The following ANKS1B variants were observed in gnomAD, a reference collection of about 807,000 sequenced individuals.
ANKS1B encodes the protein ankyrin repeat and sterile alpha motif domain-containing protein 1B.
ANKS1B carries 36 observed loss-of-function variants against 148.3 expected under a neutral mutation model. The observed-to-expected ratio is 0.24, with a 90% confidence interval of 0.19 to 0.32. The LOEUF (loss-of-function observed/expected upper bound fraction) is 0.32. ANKS1B is among the 10% of genes least tolerant of loss of function. The pLI, the probability that ANKS1B is intolerant of heterozygous loss-of-function variation, is 1.00. For synonymous variants in ANKS1B, 542 were observed against 560.8 expected (o/e 0.97, Z 0.47); for missense variants, 1,157 against 1,542.6 (o/e 0.75, Z 4.19).
chr12:99,804,386 A>T (rs890538838), intron 4 of ANKS1B, among the ~76,000 whole-genome samples: 6 of 152,178 alleles, frequency 3.9e-5, no homozygotes, highest in African/African-American at 1.4e-4. Flanking sequence ...GTTAGAAAAA[A>T]TTCTTATGCT....
rs200202397 is a variant in ANKS1B, at chr12:99,244,386, A to G, written c.2375T>C (p.Val792Ala). 93 of 1,607,122 alleles carry G rather than the reference A, an allele frequency of 5.8e-5. No homozygotes were observed. The African/African-American group carries it at 1.2e-3, about 20-fold the overall frequency. ...CTCTTTAAGTTCGTTGTTGATTCCAACATCTATGGAACTCATTATTTTGTC... is the reference window on the plus strand; with the variant it reads ...CTCTTTAAGTTCGTTGTTGATTCCAGCATCTATGGAACTCATTATTTTGTC... ...EIDKIMSSID[V>A]GINNELKEMN... The change falls in exon 14 of 27, where the codon GTT becomes GCT. Residue 792 changes from valine (V) to alanine (A), a missense_variant. By Grantham distance (64) the Val-to-Ala change is moderately conservative. Coordinates refer to ENST00000683438, the MANE Select transcript of ANKS1B (RefSeq NM_001352186.2).
At chr12:99,651,334 A>C (rs927465167) in intron 9 of ANKS1B, among the ~76,000 whole-genome samples, 1 of 152,200 alleles carries the variant, frequency 6.6e-6, no homozygotes, top group Admixed American at 6.5e-5. Context: ...ATCACTTTTC[A>C]GCAAATAATT....
intron 17 of ANKS1B, among the ~76,000 whole-genome samples, chr12:98,916,331 C>A (rs2099794346): frequency 6.6e-6 from 1 of 152,196 alleles, no homozygotes; most frequent in South Asian, 2.1e-4. Flanking sequence ...ATTAAATCAG[C>A]TTACTGCTGA....
At chr12:99,090,667 CTG>C (rs1267761546) in intron 15 of ANKS1B, among the ~76,000 whole-genome samples, 2 of 152,060 alleles carry the variant, frequency 1.3e-5, no homozygotes, top group African/African-American at 2.4e-5. Flanking sequence ...TAGCATGAAA[CTG>C]TACATAATTT....
At chr12:99,582,045 G>T (rs1041679970) in intron 9 of ANKS1B, among the ~76,000 whole-genome samples, 1 of 151,764 alleles carries the variant, frequency 6.6e-6, no homozygotes, top group Non-Finnish European at 1.5e-5. Flanking sequence ...TTTAATCATT[G>T]AAAGATATAA....
chr12:99,805,286 A>AAAAAAAAC (rs2067489354), intron 4 of ANKS1B, among the ~76,000 whole-genome samples: 1 of 149,214 alleles, frequency 6.7e-6, no homozygotes, highest in East Asian at 2.0e-4. Flanking sequence ...AAAAAAAAAA[A>AAAAAAAAC]AAGACTAACC....
At chr12:99,563,672 A>G (rs982906049) in intron 9 of ANKS1B, among the ~76,000 whole-genome samples, 4 of 152,214 alleles carry the variant, frequency 2.6e-5, no homozygotes, top group African/African-American at 9.6e-5. Flanking sequence ...AATGGAACAC[A>G]GAGCAAATGC....
chr12:99,309,997 G>A (rs561892807), intron 12 of ANKS1B, among the ~76,000 whole-genome samples: 22 of 152,222 alleles, frequency 1.4e-4, no homozygotes, highest in Admixed American at 3.9e-4. Flanking sequence ...GATCCACATA[G>A]TGTTGCTAGG....
At chr12:99,356,102 A>G (rs1368794388) in intron 12 of ANKS1B, among the ~76,000 whole-genome samples, 1 of 152,138 alleles carries the variant, frequency 6.6e-6, no homozygotes, top group Non-Finnish European at 1.5e-5. Context: ...CTCTTAAAAT[A>G]TACAGGAATA....
Position 98,794,896 on chromosome 12 carries a change from G to C in ANKS1B, c.3342+4038C>G, listed in dbSNP as rs570859986. 9 of 1,572,916 alleles carry C rather than the reference G, an allele frequency of 5.7e-6. No homozygotes were observed. In the East Asian group the frequency reaches 2.0e-4, roughly 35 times the overall value. On this transcript the variant is annotated intron_variant, in intron 22 of 26. Coordinates refer to ENST00000683438, the MANE Select transcript of ANKS1B (RefSeq NM_001352186.2). ...CCATCTTATCCGAGCCCCTCTTGCAGGCAAAGGGAAGCAGTTGGAAGAGAA... is the reference window on the plus strand; with the variant it reads ...CCATCTTATCCGAGCCCCTCTTGCACGCAAAGGGAAGCAGTTGGAAGAGAA...
intron 12 of ANKS1B, among the ~76,000 whole-genome samples, chr12:99,258,616 T>TTG (rs1266775766): frequency 4.0e-5 from 6 of 150,958 alleles, no homozygotes; most frequent in African/African-American, 1.2e-4. Context: ...ACTTGTTTTT[T>TTG]TTTTTTTTTT....
chr12:98,784,102 G>A (rs1259731946), intron 22 of ANKS1B, among the ~76,000 whole-genome samples: 1 of 152,218 alleles, frequency 6.6e-6, no homozygotes, highest in African/African-American at 2.4e-5. Context: ...GAATACTGGA[G>A]GGGAAAGTGT....
rs765678043 is a variant in ANKS1B, at chr12:99,080,355, G to A, written c.2625+4570C>T. ...ACCTTAGCACTGGTTGTAGGAGGTCGCAGCAGAGAAACAACTCAAGCCCTT... is the reference window on the plus strand; with the variant it reads ...ACCTTAGCACTGGTTGTAGGAGGTCACAGCAGAGAAACAACTCAAGCCCTT... On this transcript the variant is annotated intron_variant, in intron 16 of 26. Coordinates refer to ENST00000683438, the MANE Select transcript of ANKS1B (RefSeq NM_001352186.2). Among the ~76,000 whole-genome samples the A allele has an allele frequency of 2.8e-4, 42 of 152,274 alleles. No homozygotes were observed. In the Middle Eastern group the frequency reaches 0.014, roughly 49 times the overall value.
intron 1 of ANKS1B, among the ~76,000 whole-genome samples, chr12:99,854,581 G>A (rs548147827): frequency 4.6e-5 from 7 of 152,202 alleles, no homozygotes; most frequent in South Asian, 2.1e-4. Context: ...AGATCATCAC[G>A]TAGGTACACA....
At chr12:99,147,461 A>C (rs1435668653) in intron 15 of ANKS1B, among the ~76,000 whole-genome samples, 1 of 152,142 alleles carries the variant, frequency 6.6e-6, no homozygotes, top group African/African-American at 2.4e-5. Flanking sequence ...CATATTAAGG[A>C]TTTTAGAAAT....
At chr12:98,845,975 TATATACACACACACAC>T (rs2099460949) in intron 17 of ANKS1B, among the ~76,000 whole-genome samples, 2 of 98,496 alleles carry the variant, frequency 2.0e-5, no homozygotes, top group Admixed American at 2.0e-4. Context: ...CATATATATA[TATATACACACACACAC>T]ACACACACAC....
intron 8 of ANKS1B, among the ~76,000 whole-genome samples, chr12:99,705,421 C>T (rs1312360183): frequency 7.2e-5 from 11 of 152,034 alleles, no homozygotes; most frequent in South Asian, 2.1e-4. Context: ...TAGGATGTTC[C>T]GGTCAAAAGG....
At chr12:99,871,787 C>T (rs1451088354) in intron 1 of ANKS1B, among the ~76,000 whole-genome samples, 1 of 152,052 alleles carries the variant, frequency 6.6e-6, no homozygotes, top group African/African-American at 2.4e-5. Flanking sequence ...ATAATGAAGT[C>T]ATTTATTAAT....
At chr12:99,049,353 A>T (rs1384682478) in intron 17 of ANKS1B, among the ~76,000 whole-genome samples, 2 of 152,076 alleles carry the variant, frequency 1.3e-5, no homozygotes, top group Non-Finnish European at 2.9e-5. Context: ...GCAAAAAAAA[A>T]ATTAGGAAAT....
Sources: gnomAD v4.1 joint callset for allele counts (sites outside exome capture counted in the v4.1 genomes callset) on GRCh38, gnomAD v4.1.1 for gene constraint, MANE v1.5 for transcripts, NCBI Gene and HGNC (gene_info 2026-07-23, HGNC 2026-07-21) for gene names.